SEPTIN9: variants seen among roughly 807,000 people sequenced by gnomAD.
SEPTIN9 encodes the protein septin 9.
A neutral mutation model predicts 56.6 loss-of-function variants in SEPTIN9; 13 were observed. The ratio of observed to expected loss-of-function variants is 0.23; its 90% CI spans 0.15 to 0.37. The LOEUF is 0.37. SEPTIN9 is among the 10% of genes least tolerant of loss of function. SEPTIN9 has a pLI of 1.00. For synonymous variants in SEPTIN9, 332 were observed against 334.1 expected, an observed-to-expected ratio of 0.99 and a Z score of 0.07; for missense variants, 650 against 823.1, an observed-to-expected ratio of 0.79 and a Z score of 2.57.
rs1394949990 is a variant in SEPTIN9, at chr17:77,400,368, C to T, written c.77-1691C>T. Among the ~76,000 whole-genome samples the T allele has an allele frequency of 6.6e-6, 1 of 152,176 alleles. No homozygotes were observed. Among genetic ancestry groups the T allele is most frequent in the Non-Finnish European group, 1.5e-5 (1 of 68,022 alleles). On this transcript the variant is annotated intron_variant, in intron 2 of 11. Coordinates refer to ENST00000427177, the MANE Select transcript of SEPTIN9 (RefSeq NM_001113491.2). This position sits in a 1 kb window ranked among gnomAD's most constrained non-coding sequence, Gnocchi z 4.1. Reference sequence around the variant, plus strand: ...AGGGCCTGTGACAACTGAGAGTTCTCTGGAGTCCACACGGCTCCTTGCCCA... The same window carrying T: ...AGGGCCTGTGACAACTGAGAGTTCTTTGGAGTCCACACGGCTCCTTGCCCA...
intron 1 of SEPTIN9, among the ~76,000 whole-genome samples, chr17:77,286,039 G>A (rs946762084): frequency 6.6e-6 from 1 of 152,218 alleles, no homozygotes; most frequent in African/African-American, 2.4e-5. Context: ...GCCTGTTCTC[G>A]CTGCCTCTTG....
intron 2 of SEPTIN9, among the ~76,000 whole-genome samples, chr17:77,307,773 G>A (rs542929811): frequency 6.6e-6 from 1 of 152,340 alleles, no homozygotes; most frequent in South Asian, 2.1e-4. Context: ...CAGAGCTCTG[G>A]GGCTGGCCGT....
At chr17:77,382,921 G>T (rs564622912) in intron 2 of SEPTIN9, among the ~76,000 whole-genome samples, 1 of 152,028 alleles carries the variant, frequency 6.6e-6, no homozygotes, top group African/African-American at 2.4e-5. Context: ...CTCCTGGCCC[G>T]GAAACATGGA....
intron 10 of SEPTIN9, among the ~76,000 whole-genome samples, chr17:77,494,630 G>A (rs954363516): frequency 1.4e-4 from 21 of 152,350 alleles, no homozygotes; most frequent in Admixed American, 2.6e-4. Context: ...ACACTCCTGT[G>A]CCACTGGCTA....
intron 2 of SEPTIN9, among the ~76,000 whole-genome samples, chr17:77,385,221 G>C (rs539542441): frequency 6.6e-6 from 1 of 150,420 alleles, no homozygotes; most frequent in Non-Finnish European, 1.5e-5. Flanking sequence ...AAGTGGCGGT[G>C]GCACGTTCTT....
chr17:77,475,365 C>T lies in SEPTIN9; in HGVS notation c.722-6779C>T, dbSNP rs1181937777. ...TTCAGCAGGGATCTGAAGGACTTTG[C>T]AGGCACCCAGGGAGATAGGAGAGGA... On this transcript the variant is annotated intron_variant, in intron 3 of 11. Coordinates refer to ENST00000427177, the MANE Select transcript of SEPTIN9 (RefSeq NM_001113491.2). The surrounding 1 kb of genome is among the most constrained non-coding windows in gnomAD (Gnocchi z 4.6). 5.6e-6 allele frequency: 8 copies of T among 1,436,660 alleles called. No individual in the cohort carries two copies. Among genetic ancestry groups the T allele is most frequent in the Non-Finnish European group, 7.3e-6 (8 of 1,101,230 alleles). The allele number at this position is 1,436,660 out of a possible 1,614,324, so 89.0% of individuals were successfully genotyped here. A position where few individuals can be genotyped will look rare whatever the true frequency, so the allele number is the denominator to read the frequency against.
intron 2 of SEPTIN9, among the ~76,000 whole-genome samples, chr17:77,347,544 T>G (rs1239986854): frequency 6.6e-6 from 1 of 152,040 alleles, no homozygotes; most frequent in African/African-American, 2.4e-5. Flanking sequence ...CCATGATGAA[T>G]GTATTCCTTT....
intron 3 of SEPTIN9, among the ~76,000 whole-genome samples, chr17:77,467,779 G>A (rs1353789265): frequency 2.0e-5 from 3 of 152,232 alleles, no homozygotes; most frequent in African/African-American, 4.8e-5. Flanking sequence ...CGGGGTAGAC[G>A]GGAACCGTGG....
At chr17:77,355,658 T>C (rs1175640313) in intron 2 of SEPTIN9, among the ~76,000 whole-genome samples, 1 of 152,112 alleles carries the variant, frequency 6.6e-6, no homozygotes, top group Non-Finnish European at 1.5e-5. Context: ...GTGAAGGACT[T>C]GGACCTGAGC....
In SEPTIN9 at chr17:77,369,790, C is replaced by G. The variant is rs968416022; in HGVS notation, c.77-32269C>G. 1.1e-4 allele frequency among the ~76,000 whole-genome samples: 16 copies of G among 152,224 alleles called. No individual in the cohort carries two copies. The highest frequency in any genetic ancestry group is 1.8e-4 in the Non-Finnish European group (12 of 68,034). On this transcript the variant is annotated intron_variant, in intron 2 of 11. Transcript: ENST00000427177. This position sits in a 1 kb window ranked among gnomAD's most constrained non-coding sequence, Gnocchi z 4.9. ...CTCTTTTGCTTCCCTGCCAGCTGAG[C>G]CTCTCCATGGAGGCTGTGCCTGGAG...
chr17:77,495,990 G>A (rs1025645598), intron 10 of SEPTIN9, among the ~76,000 whole-genome samples: 9 of 151,616 alleles, frequency 5.9e-5, no homozygotes, highest in Non-Finnish European at 1.0e-4. Context: ...CAGTTCTTGC[G>A]TTCTCTATGC....
chr17:77,378,988 G>A (rs2035041181), intron 2 of SEPTIN9, among the ~76,000 whole-genome samples: 1 of 152,134 alleles, frequency 6.6e-6, no homozygotes, highest in African/African-American at 2.4e-5. Context: ...TCTGCAGGCT[G>A]GCCTTTCCCT....
At chr17:77,397,840 A>G (rs2035772200) in intron 2 of SEPTIN9, among the ~76,000 whole-genome samples, 1 of 152,096 alleles carries the variant, frequency 6.6e-6, no homozygotes, top group Non-Finnish European at 1.5e-5. Flanking sequence ...TAGTAGAGAC[A>G]GGGTTTTACC....
intron 11 of SEPTIN9, among the ~76,000 whole-genome samples, chr17:77,497,998 C>G (rs1415699754): frequency 6.6e-6 from 1 of 152,162 alleles, no homozygotes; most frequent in African/African-American, 2.4e-5. Context: ...TCCAACCTCC[C>G]TCCAGATTAT....
intron 3 of SEPTIN9, among the ~76,000 whole-genome samples, chr17:77,465,422 G>C (rs1265715913): frequency 3.9e-5 from 6 of 152,316 alleles, no homozygotes; most frequent in African/African-American, 1.2e-4. Flanking sequence ...CAGGCCTGGT[G>C]GGGGTGCATT....
Position 77,371,541 on chromosome 17 carries a change from G to A in SEPTIN9, c.77-30518G>A, listed in dbSNP as rs531034105. Among the ~76,000 whole-genome samples, 1 of 152,220 alleles carries A rather than the reference G, an allele frequency of 6.6e-6. No homozygotes were observed. Among genetic ancestry groups the A allele is most frequent in the African/African-American group, 2.4e-5 (1 of 41,444 alleles). ...TGTGCCGGACCCGGCATCTTCCCAGGGGGGCTGTGTTGTTGGGCTGAGTTT... is the reference window on the plus strand; with the variant it reads ...TGTGCCGGACCCGGCATCTTCCCAGAGGGGCTGTGTTGTTGGGCTGAGTTT... On this transcript the variant is annotated intron_variant, in intron 2 of 11. Coordinates refer to ENST00000427177, the MANE Select transcript of SEPTIN9 (RefSeq NM_001113491.2). This position sits in a 1 kb window ranked among gnomAD's most constrained non-coding sequence, Gnocchi z 4.1.
intron 3 of SEPTIN9, among the ~76,000 whole-genome samples, chr17:77,464,453 TTAAG>T (rs1157504202): frequency 6.6e-6 from 1 of 152,140 alleles, no homozygotes; most frequent in Admixed American, 6.5e-5. Context: ...TTATGTAAAA[TTAAG>T]TGAGTGCTGG....
In SEPTIN9 at chr17:77,433,686, A is replaced by C. The variant is rs1315905396; in HGVS notation, c.721+30983A>C. Among the ~76,000 whole-genome samples, 1 of 152,096 alleles carries C rather than the reference A, an allele frequency of 6.6e-6. No homozygotes were observed. The highest frequency in any genetic ancestry group is 1.5e-5 in the Non-Finnish European group (1 of 67,984). Reference sequence around the variant, plus strand: ...CTGCCCGTGGACAGGCTGTGAGTGAATCTGCAGAGGAAGGGAGATGGGAAT... The same window carrying C: ...CTGCCCGTGGACAGGCTGTGAGTGACTCTGCAGAGGAAGGGAGATGGGAAT... On this transcript the variant is annotated intron_variant, in intron 3 of 11. Transcript: ENST00000427177. This position sits in a 1 kb window ranked among gnomAD's most constrained non-coding sequence, Gnocchi z 6.4.
At chr17:77,294,179 G>A (rs927792589) in intron 1 of SEPTIN9, among the ~76,000 whole-genome samples, 3 of 151,952 alleles carry the variant, frequency 2.0e-5, no homozygotes, top group African/African-American at 4.8e-5. Context: ...AGCACTGTGG[G>A]AGGTTGAGAT....
Sources: gnomAD v4.1 joint callset for allele counts (sites outside exome capture counted in the v4.1 genomes callset) on GRCh38, gnomAD v4.1.1 for gene constraint, Gnocchi (gnomAD v3.1) non-coding constraint, MANE v1.5 for transcripts, NCBI Gene and HGNC (gene_info 2026-07-23, HGNC 2026-07-21) for gene names.